The following DOCK1 variants were observed in gnomAD, a reference collection of about 807,000 sequenced individuals.
The protein encoded by DOCK1 is dedicator of cytokinesis protein 1.
Under a neutral mutation model 262.7 loss-of-function variants are expected in DOCK1, and 138 were observed. That is an observed-to-expected ratio of 0.53 (90% CI 0.46 to 0.61). The LOEUF (loss-of-function observed/expected upper bound fraction) is 0.61, where lower values mean the gene tolerates loss of function less well. DOCK1 is among the 20% of genes least tolerant of loss of function. The pLI is 0.00. For synonymous variants in DOCK1, 866 were observed against 867.4 expected (o/e 1.00, Z 0.03); for missense variants, 1,908 against 2,370.7 (o/e 0.80, Z 4.05).
chr10:127,066,870 G>C (rs1185701202), intron 23 of DOCK1, among the ~76,000 whole-genome samples: 1 of 152,242 alleles, frequency 6.6e-6, no homozygotes, highest in Non-Finnish European at 1.5e-5. Context: ...CACAAGAGCT[G>C]GGATGGGGTA....
At chr10:126,975,051 G>A (rs1390403037) in intron 2 of DOCK1, among the ~76,000 whole-genome samples, 2 of 151,924 alleles carry the variant, frequency 1.3e-5, no homozygotes, top group Admixed American at 6.6e-5. Flanking sequence ...GTGGCCTCTC[G>A]TTTGCCTGTG....
chr10:127,026,298 T>G, intron 15 of DOCK1, 54 bp from the exon 16 acceptor site: 2 of 1,495,462 alleles, frequency 1.3e-6, no homozygotes, highest in Non-Finnish European at 1.8e-6. Flanking sequence ...AATAAAGCTG[T>G]TACGCTGGAT....
At chr10:127,439,350 AC>A in intron 49 of DOCK1, 125 bp downstream of exon 49, 1 of 1,006,148 alleles carries the variant, frequency 9.9e-7, no homozygotes, top group Non-Finnish European at 1.4e-6. Flanking sequence ...CAACTCAGAA[AC>A]CTGGGGTCCT....
At chr10:126,950,056 A>ATT (rs1440154475) in intron 1 of DOCK1, among the ~76,000 whole-genome samples, 6,895 of 149,494 alleles carry the variant, frequency 0.046, 461 homozygotes, top group African/African-American at 0.15. Context: ...TCTAAGCCTC[A>ATT]TTTTTTTTTT....
rs529312760 is a variant in DOCK1 at position 127,164,442 on chromosome 10, CAG to C, written c.2847+36681_2847+36682del. On this transcript the variant is annotated intron_variant, in intron 27 of 51. Coordinates refer to ENST00000623213, the MANE Select transcript of DOCK1 (RefSeq NM_001290223.2). ...AGGTGATCCACCCGCCTCGGCCTCC[CAG>C]AGTGTTGGGATTACAGGCGTGAGCC... 4.3e-3 allele frequency among the ~76,000 whole-genome samples: 650 copies of C among 152,202 alleles called. 5 individuals carry two copies. The highest frequency in any genetic ancestry group is 0.015 in the African/African-American group (619 of 41,532).
chr10:126,957,596 C>T (rs1046324997), intron 1 of DOCK1, among the ~76,000 whole-genome samples: 2 of 152,078 alleles, frequency 1.3e-5, no homozygotes, highest in Non-Finnish European at 2.9e-5. Context: ...AGTGATCCTG[C>T]CTCAGCCTCC....
At chr10:127,290,862 T>C (rs1203279341) in intron 29 of DOCK1, among the ~76,000 whole-genome samples, 2 of 152,212 alleles carry the variant, frequency 1.3e-5, no homozygotes, top group East Asian at 3.9e-4. Flanking sequence ...TTGGGTTATT[T>C]TGCATAAAGC....
intron 27 of DOCK1, among the ~76,000 whole-genome samples, chr10:127,210,518 C>G (rs575159766): frequency 6.6e-6 from 1 of 152,212 alleles, no homozygotes; most frequent in Admixed American, 6.5e-5. Flanking sequence ...AGGAAATGCA[C>G]GTCTACCAGG....
chr10:127,072,435 A>G lies in DOCK1; in HGVS notation c.2445+10659A>G, dbSNP rs574863400. ...TGCATAGTTGCAATATGTGATTTTA[A>G]GCAAATCACAGACATAAAATTATCA... On this transcript the variant is annotated intron_variant, in intron 23 of 51. Transcript: ENST00000623213. Among the ~76,000 whole-genome samples the G allele has an allele frequency of 2.0e-5, 3 of 152,324 alleles. No individual in the cohort carries two copies. The South Asian group carries it at 6.2e-4, about 32-fold the overall frequency.
intron 31 of DOCK1, among the ~76,000 whole-genome samples, chr10:127,347,288 T>TCGTGA (rs1478179425): frequency 1.3e-5 from 2 of 152,078 alleles, no homozygotes; most frequent in Admixed American, 6.5e-5. Flanking sequence ...GACACAGACC[T>TCGTGA]CGTGACGAAG....
At chr10:127,379,061 GTTAC>G (rs2065685058) in intron 35 of DOCK1, among the ~76,000 whole-genome samples, 1 of 152,226 alleles carries the variant, frequency 6.6e-6, no homozygotes, top group Admixed American at 6.5e-5. Flanking sequence ...ATATTCACTA[GTTAC>G]TTCAGGCTCC....
At chr10:126,955,714 G>C (rs2036678302) in intron 1 of DOCK1, among the ~76,000 whole-genome samples, 2 of 152,126 alleles carry the variant, frequency 1.3e-5, no homozygotes, top group Non-Finnish European at 2.9e-5. Context: ...GTTTTATTTA[G>C]TGCCTTACCT....
At chr10:127,236,637 G>C (rs894570274) in intron 27 of DOCK1, among the ~76,000 whole-genome samples, 2 of 147,004 alleles carry the variant, frequency 1.4e-5, no homozygotes, top group East Asian at 4.1e-4. Flanking sequence ...TAACCATATT[G>C]AGTCTTCCAT....
At chr10:127,271,125 A>ATT (rs1047112009) in intron 29 of DOCK1, among the ~76,000 whole-genome samples, 8 of 148,360 alleles carry the variant, frequency 5.4e-5, no homozygotes, top group African/African-American at 1.5e-4. Context: ...TGACTGCAGG[A>ATT]TTTTTTTTTT....
chr10:127,357,407 C>T (rs2064199941), intron 32 of DOCK1, among the ~76,000 whole-genome samples: 2 of 152,176 alleles, frequency 1.3e-5, no homozygotes, highest in African/African-American at 2.4e-5. Context: ...TCCGCGTGCC[C>T]TCTCCAAGTG....
intron 23 of DOCK1, among the ~76,000 whole-genome samples, chr10:127,085,892 T>C (rs956451836): frequency 2.6e-5 from 4 of 152,214 alleles, no homozygotes; most frequent in Admixed American, 6.5e-5. Context: ...CACAGTCCAG[T>C]TGTGGGACAT....
At chr10:127,289,868 T>C (rs1053743313) in intron 29 of DOCK1, among the ~76,000 whole-genome samples, 28 of 151,388 alleles carry the variant, frequency 1.8e-4, no homozygotes, top group Middle Eastern at 3.4e-3. Context: ...ACATGTCTTA[T>C]GCTTTTTTTT....
Position 127,017,136 on chromosome 10 carries a change from C to T in DOCK1, c.1202-1574C>T, listed in dbSNP as rs1034608590. On this transcript the variant is annotated intron_variant, in intron 12 of 51. Transcript: ENST00000623213. ...ATGATACACCATAAAAACAGACATA[C>T]ACACACAGATACAGACACCACAAAC... 2.1e-5 allele frequency among the ~76,000 whole-genome samples: 2 copies of T among 95,902 alleles called. 1 individual carries two copies. Among genetic ancestry groups the T allele is most frequent in the Non-Finnish European group, 4.4e-5 (2 of 45,940 alleles). The allele number at this position is 95,902 out of a possible 152,430, so 62.9% of individuals were successfully genotyped here.
At chr10:127,152,802 C>T (rs1437123037) in intron 27 of DOCK1, among the ~76,000 whole-genome samples, 3 of 152,214 alleles carry the variant, frequency 2.0e-5, no homozygotes, top group Non-Finnish European at 4.4e-5. Context: ...CCTATCTCTA[C>T]CTGTGGTTTC....
Sources: gnomAD v4.1 joint callset for allele counts (sites outside exome capture counted in the v4.1 genomes callset) on GRCh38, gnomAD v4.1.1 for gene constraint, MANE v1.5 for transcripts, NCBI Gene and HGNC (gene_info 2026-07-23, HGNC 2026-07-21) for gene names.